Variants in PDLIM4 observed in about 807,000 individuals in gnomAD.
The protein encoded by PDLIM4 is PDZ and LIM domain 4.
A neutral mutation model predicts 31.3 loss-of-function variants in PDLIM4; 19 were observed. The ratio of observed to expected loss-of-function variants is 0.61; its 90% CI spans 0.42 to 0.89. The LOEUF (loss-of-function observed/expected upper bound fraction) is 0.89. Among genes scored for constraint, PDLIM4 ranks in the 40% least tolerant of loss-of-function variants. The pLI, the probability that PDLIM4 is intolerant of heterozygous loss-of-function variation, is 0.00. For missense variants in PDLIM4, 442 were observed against 461.1 expected, an observed-to-expected ratio of 0.96 and a Z score of 0.38; for synonymous variants, 176 against 190.1, an observed-to-expected ratio of 0.93 and a Z score of 0.61.
chr5:132,263,063 T>G (rs55633655), intron 2 of PDLIM4, among the ~76,000 whole-genome samples: 69,010 of 151,810 alleles, frequency 0.45, 16,678 homozygotes, highest in Non-Finnish European at 0.55. Context: ...ATTTGTTTCA[T>G]TCCTTTCCCC....
At chr5:132,260,826 C>T (rs1756357335) in intron 1 of PDLIM4, among the ~76,000 whole-genome samples, 1 of 152,180 alleles carries the variant, frequency 6.6e-6, no homozygotes, top group Non-Finnish European at 1.5e-5. Flanking sequence ...ATTTCTTGGC[C>T]TCACGCCCTC....
chr5:132,266,677 A>G (rs963969093), intron 3 of PDLIM4, 132 bp downstream of exon 3: 6 of 583,838 alleles, frequency 1.0e-5, no homozygotes, highest in South Asian at 2.4e-5. Flanking sequence ...CTGAAGCAGA[A>G]GTTTTCTCTG....
chr5:132,257,808 C>G lies in PDLIM4; in HGVS notation c.74C>G (p.Ala25Gly). 1 of 1,501,930 alleles carries G rather than the reference C, an allele frequency of 6.7e-7. No homozygotes were observed. The highest frequency in any genetic ancestry group is 8.9e-7 in the Non-Finnish European group (1 of 1,129,014). 93.0% of individuals were successfully genotyped at this position (1,501,930 alleles called of 1,614,324 possible). Residue 25 changes from alanine (A) to glycine (G), a missense_variant, in exon 1 of 7, where the codon GCG becomes GGG. Ala to Gly is a moderately conservative substitution (Grantham distance 60). Transcript: ENST00000253754. This position sits in a 1 kb window ranked among gnomAD's most constrained non-coding sequence, Gnocchi z 4.3. Reference sequence around the variant, plus strand: ...CTGGTGGGCGGCCGGGACTTCAGCGCGCCCCTCACCATCTCACGGGTGAGT... The same window carrying G: ...CTGGTGGGCGGCCGGGACTTCAGCGGGCCCCTCACCATCTCACGGGTGAGT... ...FRLVGGRDFS[A>G]PLTISRVHAG...
chr5:132,265,424 AG>A (rs549246532), intron 2 of PDLIM4, among the ~76,000 whole-genome samples: 1 of 152,172 alleles, frequency 6.6e-6, no homozygotes, highest in South Asian at 2.1e-4. Context: ...AGCCTGGTTG[AG>A]GGGGCTAGAG....
chr5:132,271,901 G>C lies in PDLIM4; in HGVS notation c.781G>C (p.Gly261Arg), dbSNP rs371367801. 9.3e-6 allele frequency: 15 copies of C among 1,605,228 alleles called. No individual in the cohort carries two copies. Among genetic ancestry groups the C allele is most frequent in the African/African-American group, 1.3e-5 (1 of 74,688 alleles). ...GLPECTRCGH[G>R]IVGTIVKARD... Reference sequence around the variant, plus strand: ...GCCCGAGTGCACGCGCTGCGGCCACGGCATCGTGTGAGTAACCGCCCCCGC... The same window carrying C: ...GCCCGAGTGCACGCGCTGCGGCCACCGCATCGTGTGAGTAACCGCCCCCGC... Residue 261 changes from glycine (G) to arginine (R), a missense_variant, in exon 6 of 7, where the codon GGC becomes CGC. Transcript: ENST00000253754.
In PDLIM4 at chr5:132,271,694, G is replaced by C. The variant is rs750292728; in HGVS notation, c.671-97G>C. On this transcript the variant is annotated intron_variant, in intron 5 of 6. Transcript: ENST00000253754. Reference sequence around the variant, plus strand: ...CCGCCAAACCCGTTCCCCAGTCTCGGGTGCCGATGGCCCGTCTGGCGCCCA... The same window carrying C: ...CCGCCAAACCCGTTCCCCAGTCTCGCGTGCCGATGGCCCGTCTGGCGCCCA... 8.7e-5 allele frequency: 90 copies of C among 1,031,990 alleles called. 1 individual carries two copies. The Middle Eastern group carries it at 2.2e-3, about 25-fold the overall frequency. 63.9% of individuals were successfully genotyped at this position (1,031,990 alleles called of 1,614,324 possible). A position where few individuals can be genotyped will look rare whatever the true frequency, so the allele number is the denominator to read the frequency against.
chr5:132,271,627 C>G (rs162885), intron 5 of PDLIM4, 161 bp downstream of exon 5: 3 of 939,996 alleles, frequency 3.2e-6, no homozygotes. Flanking sequence ...CCTGGCTTCC[C>G]GATTCCCTCT....
At chr5:132,270,537 G>C (rs1364452292) in intron 3 of PDLIM4, 1 of 257,048 alleles carries the variant, frequency 3.9e-6, no homozygotes, top group Non-Finnish European at 7.4e-6. Context: ...CCTCTGCCAG[G>C]AGGCCACATA....
Position 132,262,311 on chromosome 5 carries a change from C to T in PDLIM4, c.94-298C>T, listed in dbSNP as rs150381943. Among the ~76,000 whole-genome samples, 389 of 152,250 alleles carry T rather than the reference C, an allele frequency of 2.6e-3. 3 individuals carry two copies. The highest frequency in any genetic ancestry group is 8.8e-3 in the African/African-American group (364 of 41,530). ...ATGTGTCTCTGTGTCCCCTGCATGT[C>T]CTTGGGCACATACGCAGGCTGCAAG... is the stretch of plus-strand genomic sequence containing the variant. On this transcript the variant is annotated intron_variant, in intron 1 of 6. Transcript: ENST00000253754.
At position 132,272,372 on chromosome 5, in the gene PDLIM4, A is replaced by C. The variant is rs1756648265; in HGVS notation, c.*143A>C. The C allele has an allele frequency of 2.9e-6, 2 of 690,016 alleles. No individual in the cohort carries two copies. The highest frequency in any genetic ancestry group is 3.4e-5 in the South Asian group (2 of 58,978). The allele number at this position is 690,016 out of a possible 1,614,324, so 42.7% of individuals were successfully genotyped here. A position where few individuals can be genotyped will look rare whatever the true frequency, so the allele number is the denominator to read the frequency against. On this transcript the variant is annotated 3_prime_UTR_variant, in exon 7 of 7. Coordinates refer to ENST00000253754, the MANE Select transcript of PDLIM4 (RefSeq NM_003687.4). Reference sequence around the variant, plus strand: ...TGCCACCCTCCTGCGCAGGCCATGCATGGCTCCCGAGTACAGTAGTATCTG... The same window carrying C: ...TGCCACCCTCCTGCGCAGGCCATGCCTGGCTCCCGAGTACAGTAGTATCTG...
intron 5 of PDLIM4, 80 bp downstream of exon 5, chr5:132,271,546 C>G: frequency 7.0e-7 from 1 of 1,425,504 alleles, no homozygotes; most frequent in Non-Finnish European, 9.8e-7. Context: ...CCCCACGTCC[C>G]GCCTCGCAGT....
In PDLIM4 at chr5:132,262,727, G is replaced by A; in HGVS notation, c.212G>A (p.Gly71Asp). 6.2e-7 allele frequency: 1 copy of A among 1,613,870 alleles called. No homozygotes were observed. Among genetic ancestry groups the A allele is most frequent in the Middle Eastern group, 1.6e-4 (1 of 6,062 alleles). The part of the protein sequence containing the change: ...THLEAQNRIK[G>D]CHDHLTLSVS... ...CTGGAGGCACAGAACCGCATCAAGG[G>A]CTGCCACGATCACCTCACACTGTCT... Residue 71 changes from glycine to aspartate, a missense_variant, in exon 2 of 7, where the codon GGC (glycine) becomes GAC (aspartate). Gly to Asp is a moderately conservative substitution (Grantham distance 94). Coordinates refer to ENST00000253754, the MANE Select transcript of PDLIM4 (RefSeq NM_003687.4).
Position 132,271,284 on chromosome 5 carries a change from A to C in PDLIM4, c.507-19A>C, listed in dbSNP as rs187674407. 1 of 1,581,824 alleles carries C rather than the reference A, an allele frequency of 6.3e-7. No individual in the cohort carries two copies. Among genetic ancestry groups the C allele is most frequent in the East Asian group, 2.3e-5 (1 of 44,394 alleles). ...CTGGAACTGCATCCCTTCCTCCTCT[A>C]TTTCTTTCTCCCTCCCAGCGCTGAC... On this transcript the variant is annotated intron_variant, in intron 4 of 6. Coordinates refer to ENST00000253754, the MANE Select transcript of PDLIM4 (RefSeq NM_003687.4).
intron 1 of PDLIM4, among the ~76,000 whole-genome samples, chr5:132,258,872 C>T (rs1277548718): frequency 6.6e-6 from 1 of 152,220 alleles, no homozygotes; most frequent in African/African-American, 2.4e-5. Flanking sequence ...CACCTTCCCC[C>T]ACCCTACTGC....
At chr5:132,260,569 C>G (rs1192807715) in intron 1 of PDLIM4, among the ~76,000 whole-genome samples, 1 of 152,226 alleles carries the variant, frequency 6.6e-6, no homozygotes, top group Non-Finnish European at 1.5e-5. Flanking sequence ...GCTGGTCCTT[C>G]TGCCTGGAAC....
Position 132,271,894 on chromosome 5 carries a change from C to T in PDLIM4, c.774C>T (p.Cys258=), listed in dbSNP as rs781003083. ...GLQGLPECTR[C]GHGIVGTIVK... is the part of the protein sequence containing the mutation. Reference sequence around the variant, plus strand: ...AGGGGCTGCCCGAGTGCACGCGCTGCGGCCACGGCATCGTGTGAGTAACCG... The same window carrying T: ...AGGGGCTGCCCGAGTGCACGCGCTGTGGCCACGGCATCGTGTGAGTAACCG... The change falls in exon 6 of 7, where the codon TGC becomes TGT. Residue 258 remains cysteine (C), a synonymous_variant. Coordinates refer to ENST00000253754, the MANE Select transcript of PDLIM4 (RefSeq NM_003687.4). 26 of 1,606,866 alleles carry T rather than the reference C, an allele frequency of 1.6e-5. No homozygotes were observed. Among genetic ancestry groups the T allele is most frequent in the Admixed American group, 8.4e-5 (5 of 59,464 alleles).
chr5:132,262,831 G>A (rs1369941570), intron 2 of PDLIM4, 71 bp downstream of exon 2: 2 of 1,452,146 alleles, frequency 1.4e-6, no homozygotes, highest in African/African-American at 2.8e-5. Flanking sequence ...TGGCATTTTG[G>A]GTGAGCCCAG....
chr5:132,267,698 G>A (rs1440432158), intron 3 of PDLIM4, among the ~76,000 whole-genome samples: 2 of 152,216 alleles, frequency 1.3e-5, no homozygotes, highest in Non-Finnish European at 2.9e-5. Flanking sequence ...AGAAAAGAAA[G>A]GTCCAGGGGA....
Position 132,271,303 on chromosome 5 carries a change from C to G in PDLIM4, c.507C>G (p.Ser169Arg). 6.3e-7 allele frequency: 1 copy of G among 1,592,956 alleles called. No individual in the cohort carries two copies. ...TCCTCTATTTCTTTCTCCCTCCCAG[C>G]GCTGACCCAGCCAGAGGCCTCCCGC... ...MSTLHVSPPP[S>R]ADPARGLPRS... Residue 169 changes from serine to arginine, a missense_variant and splice_region_variant, in exon 5 of 7, where the codon AGC (serine) becomes AGG (arginine). By Grantham distance (110) the Ser-to-Arg change is moderately radical. Coordinates refer to ENST00000253754, the MANE Select transcript of PDLIM4 (RefSeq NM_003687.4).
Sources: allele counts gnomAD v4.1 joint callset (sites outside exome capture counted in the v4.1 genomes callset), GRCh38; gene constraint gnomAD v4.1.1; non-coding constraint Gnocchi (gnomAD v3.1); transcripts MANE v1.5; gene names NCBI Gene and HGNC (gene_info 2026-07-23, HGNC 2026-07-21).